Variants in PTER observed in about 807,000 individuals in gnomAD.
The protein encoded by PTER is N-acetyltaurine hydrolase.
A neutral mutation model predicts 29.6 loss-of-function variants in PTER; 38 were observed. The ratio of observed to expected loss-of-function variants is 1.28; its 90% confidence interval spans 0.99 to 1.68. The LOEUF (loss-of-function observed/expected upper bound fraction) is 1.68. Among genes scored for constraint, PTER ranks in the 40% most tolerant of loss-of-function variants. The pLI, the probability that PTER is intolerant of heterozygous loss-of-function variation, is 0.00. For missense variants in PTER, 482 were observed against 427.8 expected (o/e 1.13, Z -1.12); for synonymous variants, 172 against 154.5 (o/e 1.11, Z -0.84).
intron 1 of PTER, among the ~76,000 whole-genome samples, chr10:16,446,165 G>A (rs1026308659): frequency 5.3e-5 from 8 of 152,088 alleles, no homozygotes; most frequent in African/African-American, 1.9e-4. Flanking sequence ...ATGTTCGGGG[G>A]TGGGGAGAAG....
rs535815644 is a variant in PTER at position 16,511,045 on chromosome 10, G to A, written c.840-1G>A. 3.1e-6 allele frequency: 5 copies of A among 1,610,802 alleles called. No homozygotes were observed. Among genetic ancestry groups the A allele is most frequent in the Non-Finnish European group, 4.2e-6 (5 of 1,178,412 alleles). ...ATCTAATGAGTTAACATTTTTCACAGGGTGCGTCTCCTGGTGGAAGAGGGC... is the reference window on the plus strand; with the variant it reads ...ATCTAATGAGTTAACATTTTTCACAAGGTGCGTCTCCTGGTGGAAGAGGGC... On this transcript the variant is annotated splice_acceptor_variant, in intron 4 of 4. Coordinates refer to ENST00000535784, the MANE Select transcript of PTER (RefSeq NM_001261836.2). LOFTEE classifies it high-confidence loss of function.
At chr10:16,475,790 A>G (rs2133427822) in intron 1 of PTER, among the ~76,000 whole-genome samples, 1 of 152,294 alleles carries the variant, frequency 6.6e-6, no homozygotes. Context: ...ATGAGTTGTG[A>G]TGTCAATTGC....
chr10:16,448,160 G>A (rs1834081704), intron 1 of PTER, among the ~76,000 whole-genome samples: 1 of 152,192 alleles, frequency 6.6e-6, no homozygotes, highest in Admixed American at 6.5e-5. Context: ...AGATGGCAGG[G>A]CCTTGCTCCA....
At chr10:16,506,515 A>G (rs1836572347) in intron 4 of PTER, among the ~76,000 whole-genome samples, 1 of 152,220 alleles carries the variant, frequency 6.6e-6, no homozygotes, top group South Asian at 2.1e-4. Flanking sequence ...GGAAGTGTTC[A>G]ATAGATGTTG....
downstream of PTER, chr10:16,514,420 C>T: frequency 1.2e-6 from 1 of 851,318 alleles, no homozygotes; most frequent in African/African-American, 1.7e-5. Flanking sequence ...CACATATACA[C>T]AACTGAGGTG....
intron 3 of PTER, among the ~76,000 whole-genome samples, chr10:16,487,412 C>T (rs936415478): frequency 6.6e-6 from 1 of 152,184 alleles, no homozygotes; most frequent in African/African-American, 2.4e-5. Context: ...TAGCCTTTTC[C>T]TCACTGTCTA....
At chr10:16,453,346 G>A (rs1178369803) in intron 1 of PTER, among the ~76,000 whole-genome samples, 1 of 152,134 alleles carries the variant, frequency 6.6e-6, no homozygotes, top group East Asian at 1.9e-4. Flanking sequence ...TAAAAATTGT[G>A]CATATATACA....
intron 3 of PTER, among the ~76,000 whole-genome samples, chr10:16,491,833 T>A (rs1013973026): frequency 6.6e-6 from 1 of 152,114 alleles, no homozygotes; most frequent in African/African-American, 2.4e-5. Flanking sequence ...TTCCATCATT[T>A]CAGTATACAA....
At chr10:16,451,400 A>C (rs1463205548) in intron 1 of PTER, among the ~76,000 whole-genome samples, 1 of 152,164 alleles carries the variant, frequency 6.6e-6, no homozygotes, top group Non-Finnish European at 1.5e-5. Context: ...AACCATCACA[A>C]GGTTTGAGAG....
At chr10:16,454,259 A>G (rs1834314015) in intron 1 of PTER, among the ~76,000 whole-genome samples, 1 of 152,150 alleles carries the variant, frequency 6.6e-6, no homozygotes, top group African/African-American at 2.4e-5. Context: ...CATACTTTAT[A>G]ACTACTATTA....
chr10:16,498,155 T>C (rs890509691), intron 3 of PTER, among the ~76,000 whole-genome samples: 1 of 152,230 alleles, frequency 6.6e-6, no homozygotes, highest in South Asian at 2.1e-4. Context: ...AGATGGGACT[T>C]TTCTTCAGTG....
intron 3 of PTER, among the ~76,000 whole-genome samples, chr10:16,503,223 A>G (rs962489412): frequency 6.7e-6 from 1 of 149,356 alleles, no homozygotes; most frequent in East Asian, 2.1e-4. Flanking sequence ...ACCCAGCCAC[A>G]TATTAGTGCT....
intron 1 of PTER, among the ~76,000 whole-genome samples, chr10:16,474,686 G>C (rs938699967): frequency 2.0e-5 from 3 of 152,028 alleles, no homozygotes; most frequent in Non-Finnish European, 4.4e-5. Context: ...AGGAGTTCGA[G>C]ACCAGCCTGG....
chr10:16,482,734 T>A (rs562308675), intron 1 of PTER, among the ~76,000 whole-genome samples: 1 of 152,300 alleles, frequency 6.6e-6, no homozygotes, highest in South Asian at 2.1e-4. Context: ...GTCCTCACTA[T>A]TTTCAGTAGC....
Position 16,493,065 on chromosome 10 carries a change from A to G in PTER, c.698+6448A>G, listed in dbSNP as rs369879041. Among the ~76,000 whole-genome samples, 313 of 152,298 alleles carry G rather than the reference A, an allele frequency of 2.1e-3. 1 individual carries two copies. The highest frequency in any genetic ancestry group is 7.2e-3 in the African/African-American group (300 of 41,548). On this transcript the variant is annotated intron_variant, in intron 3 of 4. Coordinates refer to ENST00000535784, the MANE Select transcript of PTER (RefSeq NM_001261836.2). ...ATACTTGCATGTCTAATTACCATATACCAGACGTTGGGCTGTAGCCTGAAG... is the reference window on the plus strand; with the variant it reads ...ATACTTGCATGTCTAATTACCATATGCCAGACGTTGGGCTGTAGCCTGAAG...
At chr10:16,481,634 G>A (rs1210817660) in intron 1 of PTER, among the ~76,000 whole-genome samples, 1 of 151,978 alleles carries the variant, frequency 6.6e-6, no homozygotes, top group Non-Finnish European at 1.5e-5. Flanking sequence ...CAGAAGGGAT[G>A]ACATTTCTTA....
chr10:16,509,965 T>C (rs1190949106), intron 4 of PTER, among the ~76,000 whole-genome samples: 1 of 152,154 alleles, frequency 6.6e-6, no homozygotes, highest in East Asian at 1.9e-4. Context: ...CTCACTGTAG[T>C]AGTTATTAAA....
chr10:16,490,282 G>A (rs1468336514), intron 3 of PTER, among the ~76,000 whole-genome samples: 1 of 152,146 alleles, frequency 6.6e-6, no homozygotes, highest in East Asian at 1.9e-4. Flanking sequence ...TAGTGAATGT[G>A]TATTGCATTC....
chr10:16,468,303 C>G (rs2133409430), intron 1 of PTER, among the ~76,000 whole-genome samples: 1 of 152,200 alleles, frequency 6.6e-6, no homozygotes, highest in Admixed American at 6.5e-5. Flanking sequence ...GATCAAACCA[C>G]CGTACTCCAG....
Sources: allele counts gnomAD v4.1 joint callset (sites outside exome capture counted in the v4.1 genomes callset), GRCh38; gene constraint gnomAD v4.1.1; transcripts MANE v1.5; gene names NCBI Gene and HGNC (gene_info 2026-07-23, HGNC 2026-07-21).